The following DRC8 variants were observed in gnomAD, a reference collection of about 807,000 sequenced individuals.
DRC8 encodes the protein dynein regulatory complex subunit 8, also known as dynein regulatory complex protein 8.
the DRC8 span, among the ~76,000 whole-genome samples, chr1:244,984,140 A>G: frequency 2.0e-5 from 3 of 151,802 alleles, no homozygotes; most frequent in East Asian, 1.9e-4. Context: ...GGGGGGGGGA[A>G]TAATTTTGTT....
At chr1:245,002,224 G>A in the DRC8 span, 2 of 1,606,964 alleles carry the variant, frequency 1.2e-6, no homozygotes, top group Non-Finnish European at 1.7e-6. Flanking sequence ...GTGTTATGGG[G>A]AACACAGGGT....
At chr1:245,008,707 C>A in the DRC8 span, among the ~76,000 whole-genome samples, 1 of 145,572 alleles carries the variant, frequency 6.9e-6, no homozygotes, top group Non-Finnish European at 1.5e-5. Context: ...AGAGCAAGAT[C>A]CTTCAGGCTG....
At chr1:244,995,373 A>AT in the DRC8 span, among the ~76,000 whole-genome samples, 2 of 151,554 alleles carry the variant, frequency 1.3e-5, no homozygotes, top group Admixed American at 1.3e-4. Context: ...AAAAAAAAAA[A>AT]GAGGGACAGG....
chr1:245,060,253 G>A, the DRC8 span, among the ~76,000 whole-genome samples: 2 of 152,308 alleles, frequency 1.3e-5, no homozygotes, highest in Non-Finnish European at 2.9e-5. Context: ...ACCGTGGTGA[G>A]TCACTTAACC....
the DRC8 span, among the ~76,000 whole-genome samples, chr1:245,096,038 A>G: frequency 6.6e-6 from 1 of 152,176 alleles, no homozygotes; most frequent in Non-Finnish European, 1.5e-5. Flanking sequence ...GCCCACAGCA[A>G]TGTACTGAAA....
the DRC8 span, among the ~76,000 whole-genome samples, chr1:245,041,404 T>A: frequency 6.6e-6 from 1 of 152,224 alleles, no homozygotes; most frequent in South Asian, 2.1e-4. Context: ...ATGTTATGAT[T>A]TTCATTTTAA....
chr1:245,083,058 C>A, the DRC8 span, among the ~76,000 whole-genome samples: 1 of 152,108 alleles, frequency 6.6e-6, no homozygotes, highest in Non-Finnish European at 1.5e-5. Flanking sequence ...AACCACCAGG[C>A]CAGGTACTGG....
the DRC8 span, among the ~76,000 whole-genome samples, chr1:245,107,834 A>G: frequency 2.0e-5 from 3 of 152,078 alleles, no homozygotes; most frequent in Non-Finnish European, 4.4e-5. Flanking sequence ...CTCCAAGCAC[A>G]GTTGTGCTGG....
At chr1:244,987,339 T>G in the DRC8 span, among the ~76,000 whole-genome samples, 1 of 152,026 alleles carries the variant, frequency 6.6e-6, no homozygotes, top group East Asian at 1.9e-4. Flanking sequence ...TAGCTGAGAT[T>G]ACAGGCGTGC....
At chr1:245,102,541 G>A in the DRC8 span, among the ~76,000 whole-genome samples, 5 of 152,086 alleles carry the variant, frequency 3.3e-5, no homozygotes, top group Non-Finnish European at 7.4e-5. Flanking sequence ...GTAGAGACGG[G>A]GTTTCGCCAT....
chr1:244,977,676 A>G, the DRC8 span, among the ~76,000 whole-genome samples: 3 of 152,150 alleles, frequency 2.0e-5, no homozygotes, highest in African/African-American at 4.8e-5. Context: ...CCAAAAAAAT[A>G]AAAAATAATA....
the DRC8 span, among the ~76,000 whole-genome samples, chr1:244,979,089 T>C: frequency 0.017 from 2,597 of 152,116 alleles, 34 homozygotes; most frequent in Non-Finnish European, 0.024. Context: ...TTCCCTCTCA[T>C]AGCTATTTGT....
chr1:244,977,551 T>C, the DRC8 span, among the ~76,000 whole-genome samples: 1 of 152,068 alleles, frequency 6.6e-6, no homozygotes, highest in Non-Finnish European at 1.5e-5. Flanking sequence ...AATAAAGAAG[T>C]CGGGGGTTCC....
the DRC8 span, among the ~76,000 whole-genome samples, chr1:245,090,142 C>T: frequency 9.2e-5 from 14 of 152,088 alleles, no homozygotes; most frequent in Admixed American, 5.2e-4. Context: ...AATCAAAGGC[C>T]GAGGAATCTG....
chr1:244,972,929 T>C, the DRC8 span, among the ~76,000 whole-genome samples: 1 of 152,338 alleles, frequency 6.6e-6, no homozygotes, highest in South Asian at 2.1e-4. Flanking sequence ...TGAAGGGTAT[T>C]ATGAAATAAA....
At chr1:245,040,087 G>A in the DRC8 span, among the ~76,000 whole-genome samples, 1 of 152,174 alleles carries the variant, frequency 6.6e-6, no homozygotes, top group African/African-American at 2.4e-5. Flanking sequence ...TCTTGCCTGT[G>A]AATGTTATTA....
At chr1:245,095,318 G>GA in the DRC8 span, among the ~76,000 whole-genome samples, 4 of 152,176 alleles carry the variant, frequency 2.6e-5, no homozygotes, top group African/African-American at 9.7e-5. Context: ...GCTGGAGGGA[G>GA]AAAATACTCT....
At chr1:245,008,265 C>G in the DRC8 span, among the ~76,000 whole-genome samples, 1 of 151,976 alleles carries the variant, frequency 6.6e-6, no homozygotes, top group African/African-American at 2.4e-5. Flanking sequence ...CTTTGGGACT[C>G]TACATGAGGC....
At chr1:245,057,380 C>G in the DRC8 span, among the ~76,000 whole-genome samples, 29 of 152,234 alleles carry the variant, frequency 1.9e-4, no homozygotes, top group Admixed American at 1.2e-3. Flanking sequence ...ATTTTAACAA[C>G]GTATCTTATT....
Sources: allele counts gnomAD v4.1 joint callset (sites outside exome capture counted in the v4.1 genomes callset), GRCh38; gene constraint gnomAD v4.1.1; transcripts MANE v1.5; gene names NCBI Gene and HGNC (gene_info 2026-07-23, HGNC 2026-07-21).